Variants in NDST3 observed in about 807,000 individuals in gnomAD.
NDST3 encodes the protein bifunctional heparan sulfate N-deacetylase/N-sulfotransferase 3.
Under a neutral mutation model 96.1 loss-of-function variants are expected in NDST3, and 58 were observed. That is an observed-to-expected ratio of 0.60 (90% CI 0.49 to 0.75). NDST3 has a LOEUF of 0.75. Among genes scored for constraint, NDST3 ranks in the 30% least tolerant of loss-of-function variants. The pLI is 0.00. For missense variants in NDST3, 788 were observed against 1,034.2 expected (o/e 0.76, Z 3.27); for synonymous variants, 333 against 359.7 (o/e 0.93, Z 0.84).
chr4:118,126,535 C>T (rs199840344), intron 4 of NDST3, among the ~76,000 whole-genome samples: 13 of 10,202 alleles, frequency 1.3e-3, no homozygotes, highest in South Asian at 0.013. Context: ...TATATATATA[C>T]ACATATATAT....
Position 118,111,693 on chromosome 4 carries a change from T to C in NDST3, c.1070-3113T>C, listed in dbSNP as rs368859657. Among the ~76,000 whole-genome samples the C allele has an allele frequency of 2.0e-5, 3 of 152,238 alleles. No individual in the cohort carries two copies. The East Asian group carries it at 5.8e-4, about 29-fold the overall frequency. ...CTGGGACTACAGGTGCCCGCCACCATGCCTGGCAAAATTTTTTTTGTATTT... is the reference window on the plus strand; with the variant it reads ...CTGGGACTACAGGTGCCCGCCACCACGCCTGGCAAAATTTTTTTTGTATTT... On this transcript the variant is annotated intron_variant, in intron 3 of 13. Coordinates refer to ENST00000296499, the MANE Select transcript of NDST3 (RefSeq NM_004784.3).
At chr4:118,247,738 C>T (rs574180360) in intron 12 of NDST3, among the ~76,000 whole-genome samples, 1 of 152,108 alleles carries the variant, frequency 6.6e-6, no homozygotes, top group Admixed American at 6.5e-5. Context: ...GTATATTTAA[C>T]AATATGTAAA....
intron 1 of NDST3, among the ~76,000 whole-genome samples, chr4:118,048,203 T>C (rs13123909): frequency 0.64 from 97,685 of 151,982 alleles, 34,643 homozygotes; most frequent in South Asian, 0.83. Flanking sequence ...TCAACTAGAC[T>C]GGCCTTAGAA....
At chr4:118,070,103 A>C (rs2125799279) in intron 2 of NDST3, among the ~76,000 whole-genome samples, 1 of 152,186 alleles carries the variant, frequency 6.6e-6, no homozygotes, top group East Asian at 1.9e-4. Flanking sequence ...AATGCAGCAA[A>C]CCTATGAGTG....
At chr4:118,141,802 A>G (rs1207758181) in intron 5 of NDST3, among the ~76,000 whole-genome samples, 1 of 152,064 alleles carries the variant, frequency 6.6e-6, no homozygotes, top group African/African-American at 2.4e-5. Flanking sequence ...AAGAGTAGAA[A>G]ACATATATCT....
At chr4:118,215,306 G>A (rs1447175054) in intron 6 of NDST3, among the ~76,000 whole-genome samples, 1 of 152,076 alleles carries the variant, frequency 6.6e-6, no homozygotes, top group African/African-American at 2.4e-5. Context: ...TGTCAAAAAA[G>A]CCAAGGAAGA....
intron 2 of NDST3, among the ~76,000 whole-genome samples, chr4:118,096,688 T>C (rs920274734): frequency 6.6e-6 from 1 of 151,234 alleles, no homozygotes; most frequent in Non-Finnish European, 1.5e-5. Flanking sequence ...GATAGATAGA[T>C]AGATAGATAG....
chr4:118,179,637 G>A (rs534859554), intron 6 of NDST3, among the ~76,000 whole-genome samples: 1 of 151,894 alleles, frequency 6.6e-6, no homozygotes, highest in Admixed American at 6.6e-5. Flanking sequence ...ATGTATCCTT[G>A]GCTTAAATGA....
chr4:118,223,797 G>C (rs997155792), intron 6 of NDST3, among the ~76,000 whole-genome samples: 2 of 151,962 alleles, frequency 1.3e-5, no homozygotes, highest in African/African-American at 4.8e-5. Context: ...ATTATCACAT[G>C]AATTATTTTA....
intron 3 of NDST3, among the ~76,000 whole-genome samples, chr4:118,105,306 T>G (rs1477953635): frequency 6.6e-6 from 1 of 152,180 alleles, no homozygotes; most frequent in Admixed American, 6.5e-5. Flanking sequence ...CTGATGGCCT[T>G]TCATTTTTAT....
chr4:118,114,184 G>GGATTGTTTT (rs2125864138), intron 3 of NDST3, among the ~76,000 whole-genome samples: 1 of 152,212 alleles, frequency 6.6e-6, no homozygotes, highest in East Asian at 1.9e-4. Context: ...GGAGCAGCTT[G>GGATTGTTTT]GATTGTTTTG....
intron 6 of NDST3, among the ~76,000 whole-genome samples, chr4:118,168,495 G>A (rs1279596867): frequency 2.6e-5 from 4 of 152,060 alleles, no homozygotes; most frequent in Non-Finnish European, 4.4e-5. Context: ...TGAGAATGTG[G>A]AGAAATTAGA....
intron 11 of NDST3, 72 bp downstream of exon 11, chr4:118,240,766 A>T: frequency 7.1e-7 from 1 of 1,404,534 alleles, no homozygotes; most frequent in Middle Eastern, 2.4e-4. Flanking sequence ...AGGTTAAGAA[A>T]ATTTTCAATT....
chr4:118,074,942 T>A (rs1454788566), intron 2 of NDST3, among the ~76,000 whole-genome samples: 1 of 152,178 alleles, frequency 6.6e-6, no homozygotes, highest in Non-Finnish European at 1.5e-5. Flanking sequence ...AGGGTACATG[T>A]ACACCACATG....
intron 2 of NDST3, among the ~76,000 whole-genome samples, chr4:118,075,210 G>A (rs957417428): frequency 1.5e-4 from 23 of 152,200 alleles, no homozygotes; most frequent in Non-Finnish European, 2.2e-4. Flanking sequence ...CTTCATCCAC[G>A]TCACTACAAA....
chr4:118,222,892 C>T (rs1215726086), intron 6 of NDST3, among the ~76,000 whole-genome samples: 3 of 151,830 alleles, frequency 2.0e-5, no homozygotes, highest in East Asian at 1.9e-4. Flanking sequence ...AAAGGGATTT[C>T]GAATGTATTA....
At position 118,242,388 on chromosome 4, in the gene NDST3, C is replaced by T. The variant is rs557205768; in HGVS notation, c.2399+239C>T. 8.5e-5 allele frequency among the ~76,000 whole-genome samples: 13 copies of T among 152,096 alleles called. 1 individual carries two copies. In the South Asian group the frequency reaches 2.3e-3, roughly 27 times the overall value. On this transcript the variant is annotated intron_variant, in intron 12 of 13. Transcript: ENST00000296499. Reference sequence around the variant, plus strand: ...CTGAAAGGAAAGTAGAGAAATAAAACAGTGGTAAATCTTAAAACAAACCAC... The same window carrying T: ...CTGAAAGGAAAGTAGAGAAATAAAATAGTGGTAAATCTTAAAACAAACCAC...
At chr4:118,199,443 T>C (rs944252829) in intron 6 of NDST3, among the ~76,000 whole-genome samples, 1 of 152,218 alleles carries the variant, frequency 6.6e-6, no homozygotes, top group African/African-American at 2.4e-5. Flanking sequence ...ATTCATCTGA[T>C]AGAATCCTGA....
chr4:118,095,412 T>C (rs1729213981), intron 2 of NDST3, among the ~76,000 whole-genome samples: 1 of 151,862 alleles, frequency 6.6e-6, no homozygotes, highest in Non-Finnish European at 1.5e-5. Context: ...TGGTGCTACT[T>C]CTGGACAGTT....
Sources: gnomAD v4.1 joint callset for allele counts (sites outside exome capture counted in the v4.1 genomes callset) on GRCh38, gnomAD v4.1.1 for gene constraint, MANE v1.5 for transcripts, NCBI Gene and HGNC (gene_info 2026-07-23, HGNC 2026-07-21) for gene names.